Variants in ZNF483 observed in about 807,000 individuals in gnomAD.
ZNF483 encodes zinc finger protein 483.
A neutral mutation model predicts 28.6 loss-of-function variants in ZNF483; 9 were observed. The ratio of observed to expected loss-of-function variants is 0.32; its 90% CI spans 0.19 to 0.55. ZNF483 has a LOEUF of 0.55. Ranked by LOEUF, ZNF483 falls within the 20% of genes least tolerant of loss-of-function variation. The pLI is 0.93. For synonymous variants in ZNF483, 322 were observed against 306.2 expected (o/e 1.05, Z -0.54); for missense variants, 675 against 871.7 (o/e 0.77, Z 2.84).
At chr9:111,535,947 C>T (rs1361267618) in intron 5 of ZNF483, among the ~76,000 whole-genome samples, 11 of 147,714 alleles carry the variant, frequency 7.4e-5, no homozygotes, top group Non-Finnish European at 1.3e-4. Flanking sequence ...AGTGCAGTGC[C>T]GTGATCTTGG....
chr9:111,538,525 T>C (rs1292223172), intron 5 of ZNF483, among the ~76,000 whole-genome samples: 2 of 150,866 alleles, frequency 1.3e-5, no homozygotes, highest in Non-Finnish European at 2.9e-5. Flanking sequence ...AAGTGGACAC[T>C]TGCAGTTCAA....
chr9:111,531,452 C>G (rs550088081), intron 3 of ZNF483, among the ~76,000 whole-genome samples: 67 of 152,234 alleles, frequency 4.4e-4, no homozygotes, highest in Middle Eastern at 3.4e-3. Flanking sequence ...TCTCGGCTCA[C>G]TGCAGCCTCT....
chr9:111,569,332 C>G (rs1395528413), intron 5 of ZNF483, among the ~76,000 whole-genome samples: 1 of 152,064 alleles, frequency 6.6e-6, no homozygotes, highest in Non-Finnish European at 1.5e-5. Context: ...TGAGGAGGAC[C>G]AATCAGTGAG....
Position 111,542,354 on chromosome 9 carries a change from A to G in ZNF483, c.1419A>G (p.Gly473=), listed in dbSNP as rs1179492086. The G allele has an allele frequency of 1.2e-6, 2 of 1,614,016 alleles. No homozygotes were observed. ...GEKPYMCNEC[G]KAFSDSSSLT... ...AACCCTATATGTGTAATGAATGTGG[A>G]AAAGCTTTTAGTGATAGTTCATCGC... is the stretch of plus-strand genomic sequence containing the variant. Residue 473 remains glycine (G), a synonymous_variant, in exon 6 of 6, where the codon GGA becomes GGG. Coordinates refer to ENST00000309235, the MANE Select transcript of ZNF483 (RefSeq NM_133464.5). The surrounding 1 kb of genome is among the most constrained non-coding windows in gnomAD (Gnocchi z 6.2).
At position 111,552,951 on chromosome 9, in the gene ZNF483, A is replaced by G. The variant is rs948246765; in HGVS notation, c.*9781A>G. 1.3e-5 allele frequency among the ~76,000 whole-genome samples: 2 copies of G among 152,144 alleles called. No homozygotes were observed. Among genetic ancestry groups the G allele is most frequent in the South Asian group, 4.1e-4 (2 of 4,836 alleles). ...AATACGATAAAGTGATAATTTCTTC[A>G]TCTCTCCATCTAAGGTTCTTTGTAG... On this transcript the variant is annotated 3_prime_UTR_variant, in exon 6 of 6. Transcript: ENST00000309235.
intron 3 of ZNF483, among the ~76,000 whole-genome samples, chr9:111,531,206 T>C (rs962964142): frequency 2.0e-5 from 3 of 151,798 alleles, no homozygotes; most frequent in Non-Finnish European, 2.9e-5. Context: ...CTAAAAAAAA[T>C]AGAATAAATG....
chr9:111,568,903 G>A (rs1198418078), intron 5 of ZNF483, among the ~76,000 whole-genome samples: 1 of 152,172 alleles, frequency 6.6e-6, no homozygotes, highest in Non-Finnish European at 1.5e-5. Flanking sequence ...GAAGTGTTCA[G>A]ATTCTGTATA....
Position 111,551,562 on chromosome 9 carries a change from C to G in ZNF483, c.*8392C>G, listed in dbSNP as rs1180533201. ...AGCTGAGATTACTGGTGCACACTGC[C>G]ACGCCTGGCTAATTATTTTAGTAGA... is the stretch of plus-strand genomic sequence containing the variant. On this transcript the variant is annotated 3_prime_UTR_variant, in exon 6 of 6. Coordinates refer to ENST00000309235, the MANE Select transcript of ZNF483 (RefSeq NM_133464.5). Among the ~76,000 whole-genome samples the G allele has an allele frequency of 2.0e-5, 3 of 151,926 alleles. No individual in the cohort carries two copies. The highest frequency in any genetic ancestry group is 7.3e-5 in the African/African-American group (3 of 41,348).
rs1342528605 is a variant in ZNF483, at chr9:111,543,586, C to T, written c.*416C>T. The T allele has an allele frequency of 1.0e-6, 1 of 988,852 alleles. No homozygotes were observed. The highest frequency in any genetic ancestry group is 1.2e-6 in the Non-Finnish European group (1 of 832,490). 61.3% of individuals were successfully genotyped at this position (988,852 alleles called of 1,614,324 possible). On this transcript the variant is annotated 3_prime_UTR_variant, in exon 6 of 6. Coordinates refer to ENST00000309235, the MANE Select transcript of ZNF483 (RefSeq NM_133464.5). ...ACCTTTCAGAATTTTATTTTCGTCA[C>T]CAGCAGAATGAAGGGATGGGATTAA...
chr9:111,547,979 T>G lies in ZNF483; in HGVS notation c.*4809T>G, dbSNP rs1827844066. On this transcript the variant is annotated 3_prime_UTR_variant, in exon 6 of 6. Coordinates refer to ENST00000309235, the MANE Select transcript of ZNF483 (RefSeq NM_133464.5). Reference sequence around the variant, plus strand: ...CTGGCTGTCTGCTCTGTTTCTTTGGTCTATATGTTTGTCTTTATGCCAGTA... The same window carrying G: ...CTGGCTGTCTGCTCTGTTTCTTTGGGCTATATGTTTGTCTTTATGCCAGTA... 6.6e-6 allele frequency among the ~76,000 whole-genome samples: 1 copy of G among 152,202 alleles called. No individual in the cohort carries two copies. Among genetic ancestry groups the G allele is most frequent in the African/African-American group, 2.4e-5 (1 of 41,460 alleles).
At chr9:111,531,590 T>C (rs767543239) in intron 3 of ZNF483, among the ~76,000 whole-genome samples, 1 of 152,170 alleles carries the variant, frequency 6.6e-6, no homozygotes, top group African/African-American at 2.4e-5. Context: ...TTGGCCAGGC[T>C]GATCTCAAAC....
chr9:111,539,567 C>T, intron 5 of ZNF483: 1 of 414,602 alleles, frequency 2.4e-6, no homozygotes, highest in East Asian at 7.7e-5. Flanking sequence ...AATTGAAGAC[C>T]AGCCTGACCA....
At chr9:111,562,905 T>C in intron 5 of ZNF483, 2 of 1,302,108 alleles carry the variant, frequency 1.5e-6, no homozygotes, top group South Asian at 2.1e-5. Flanking sequence ...CAGAAGAAGC[T>C]GTAGTGAACA....
chr9:111,561,271 T>C, intron 5 of ZNF483, among the ~76,000 whole-genome samples: 1 of 151,600 alleles, frequency 6.6e-6, no homozygotes, highest in East Asian at 1.9e-4. Flanking sequence ...CTTTTGTTGT[T>C]GTTTTGTTTT....
rs1827859999 is a variant in ZNF483, at chr9:111,548,747, G to GTAA, written c.*5579_*5581dup. ...CATATTTGACCTTTATTATGTTAAG[G>GTAA]TAATTTCCTTTTATTGATAAATTCT... On this transcript the variant is annotated 3_prime_UTR_variant, in exon 6 of 6. Transcript: ENST00000309235. Among the ~76,000 whole-genome samples, 1 of 150,992 alleles carries GTAA rather than the reference G, an allele frequency of 6.6e-6. No homozygotes were observed. Among genetic ancestry groups the GTAA allele is most frequent in the African/African-American group, 2.4e-5 (1 of 41,204 alleles).
At chr9:111,527,949 A>G (rs1827221688) in intron 2 of ZNF483, 142 bp downstream of exon 2, 1 of 1,543,488 alleles carries the variant, frequency 6.5e-7, no homozygotes, top group Non-Finnish European at 8.7e-7. Context: ...CCTGCCATTT[A>G]CTGTGTGATT....
In ZNF483 at chr9:111,542,045, C is replaced by G. The variant is rs765334929; in HGVS notation, c.1110C>G (p.His370Gln). ...ATGATGGTGGGAAAGTCCTGAGTCA[C>G]TCTTCAGCTCTTACTGAACATCAGA... ...KSNDGGKVLS[H>Q]SSALTEHQKR... Residue 370 changes from histidine (H) to glutamine (Q), a missense_variant, in exon 6 of 6, where the codon CAC (histidine) becomes CAG (glutamine). Physicochemically the swap from His to Gln is conservative, Grantham distance 24. Coordinates refer to ENST00000309235, the MANE Select transcript of ZNF483 (RefSeq NM_133464.5). The surrounding 1 kb of genome is among the most constrained non-coding windows in gnomAD (Gnocchi z 6.2). The G allele has an allele frequency of 1.5e-5, 24 of 1,614,084 alleles. No homozygotes were observed. The South Asian group carries it at 2.3e-4, about 16-fold the overall frequency.
rs975101795 is a variant in ZNF483 at position 111,543,349 on chromosome 9, G to A, written c.*179G>A. Reference sequence around the variant, plus strand: ...CAAGGATGGCAACGACTGGTAAACAGTAATTAGTTGGTAAAGTCACTGGAA... The same window carrying A: ...CAAGGATGGCAACGACTGGTAAACAATAATTAGTTGGTAAAGTCACTGGAA... On this transcript the variant is annotated 3_prime_UTR_variant, in exon 6 of 6. Coordinates refer to ENST00000309235, the MANE Select transcript of ZNF483 (RefSeq NM_133464.5). The A allele has an allele frequency of 1.5e-6, 2 of 1,369,104 alleles. No homozygotes were observed. Among genetic ancestry groups the A allele is most frequent in the Non-Finnish European group, 1.9e-6 (2 of 1,066,288 alleles). The allele number at this position is 1,369,104 out of a possible 1,614,324, so 84.8% of individuals were successfully genotyped here. A position where few individuals can be genotyped will look rare whatever the true frequency, so the allele number is the denominator to read the frequency against.
intron 2 of ZNF483, 110 bp downstream of exon 2, chr9:111,527,917 T>C (rs769505028): frequency 4.4e-5 from 69 of 1,581,294 alleles, no homozygotes; most frequent in Admixed American, 1.1e-4. Flanking sequence ...AGGTTAGAAG[T>C]TGGGACTGGG....
Sources: gnomAD v4.1 joint callset for allele counts (sites outside exome capture counted in the v4.1 genomes callset) on GRCh38, gnomAD v4.1.1 for gene constraint, Gnocchi (gnomAD v3.1) non-coding constraint, MANE v1.5 for transcripts, NCBI Gene and HGNC (gene_info 2026-07-23, HGNC 2026-07-21) for gene names.